Variants in RALY observed in about 807,000 individuals in gnomAD.
RALY encodes RALY heterogeneous nuclear ribonucleoprotein.
A neutral mutation model predicts 30.7 loss-of-function variants in RALY; 15 were observed. The observed-to-expected ratio is 0.49, with a 90% CI of 0.33 to 0.75. The LOEUF is 0.75. Among genes scored for constraint, RALY ranks in the 30% least tolerant of loss-of-function variants. The probability of loss-of-function intolerance (pLI) is 0.02; values close to 1 mark genes in which losing one functional copy is unlikely to be tolerated. For missense variants in RALY, 339 were observed against 414.3 expected, an observed-to-expected ratio of 0.82 and a Z score of 1.58; for synonymous variants, 177 against 170.8, an observed-to-expected ratio of 1.04 and a Z score of -0.28.
chr20:34,073,077 C>T (rs547510358), intron 3 of RALY, among the ~76,000 whole-genome samples: 1 of 152,090 alleles, frequency 6.6e-6, no homozygotes, highest in Admixed American at 6.5e-5. Context: ...TTTGGTAGAA[C>T]ATCCATGTGA....
intron 1 of RALY, among the ~76,000 whole-genome samples, chr20:34,019,338 A>G (rs1568658379): frequency 6.6e-6 from 1 of 152,036 alleles, no homozygotes; most frequent in Non-Finnish European, 1.5e-5. Flanking sequence ...AAAGAAAAAA[A>G]AAAAGGATCC....
chr20:34,044,819 C>T lies in RALY; in HGVS notation c.-10+13215C>T, dbSNP rs548845519. ...ACCTTAGGGACAGTGTTTATACTTA[C>T]ATACATTCAGTTATCCATTCAACAG... is the stretch of plus-strand genomic sequence containing the variant. On this transcript the variant is annotated intron_variant, in intron 2 of 9. Coordinates refer to ENST00000246194, the MANE Select transcript of RALY (RefSeq NM_016732.3). Among the ~76,000 whole-genome samples, 14 of 152,340 alleles carry T rather than the reference C, an allele frequency of 9.2e-5. No individual in the cohort carries two copies. The East Asian group carries it at 1.3e-3, about 15-fold the overall frequency.
At chr20:34,002,936 T>G (rs1197969272) in intron 1 of RALY, among the ~76,000 whole-genome samples, 3 of 152,188 alleles carry the variant, frequency 2.0e-5, no homozygotes, top group Non-Finnish European at 4.4e-5. Flanking sequence ...TTATCTGAGG[T>G]GTGGTTTCTG....
In RALY at chr20:34,077,092, C is replaced by T. The variant is rs751516793; in HGVS notation, c.723C>T (p.Gly241=). 2.1e-5 allele frequency: 34 copies of T among 1,604,628 alleles called. No individual in the cohort carries two copies. In the South Asian group the frequency reaches 2.6e-4, roughly 12 times the overall value. The change falls in exon 8 of 10, where the codon GGC becomes GGT. Residue 241 remains glycine (G), a synonymous_variant. Transcript: ENST00000246194. The stretch of plus-strand genomic sequence containing the variant: ...GCGGCGGTGGTGGTGGCAGCGGTGG[C>T]GGTGGCAGTGGTGGTGGCGGTGGCG... The part of the protein sequence containing the change: ...GGGGGGGGSG[G]GGSGGGGGGG...
chr20:34,007,761 A>G (rs1018470394), intron 1 of RALY, among the ~76,000 whole-genome samples: 1 of 146,160 alleles, frequency 6.8e-6, no homozygotes, highest in Non-Finnish European at 1.5e-5. Context: ...CAGAGGTTGC[A>G]GTGAGCCAAG....
intron 1 of RALY, among the ~76,000 whole-genome samples, chr20:34,015,880 A>G (rs979511776): frequency 2.0e-5 from 3 of 152,014 alleles, no homozygotes; most frequent in Non-Finnish European, 4.4e-5. Flanking sequence ...ATGTGCATGT[A>G]TGTCCTCTCT....
intron 2 of RALY, among the ~76,000 whole-genome samples, chr20:34,060,579 A>G (rs1457596439): frequency 2.0e-5 from 3 of 152,200 alleles, no homozygotes; most frequent in Non-Finnish European, 4.4e-5. Context: ...TCCATCTTAC[A>G]GGTAAGATAG....
rs907833762 is a variant in RALY, at chr20:34,082,493, A to T, written c.*2588A>T. ...TCAGGTTGATCATGGGCTTGTGACC[A>T]TAGGCTTCCTTAGTATGCCAGGCTT... On this transcript the variant is annotated 3_prime_UTR_variant, in exon 10 of 10. Transcript: ENST00000246194. 3 of 152,272 alleles carry T rather than the reference A, an allele frequency of 2.0e-5. No individual in the cohort carries two copies. Among genetic ancestry groups the T allele is most frequent in the African/African-American group, 7.2e-5 (3 of 41,474 alleles). 9.4% of individuals were successfully genotyped at this position (152,272 alleles called of 1,614,324 possible). A position where few individuals can be genotyped will look rare whatever the true frequency, so the allele number is the denominator to read the frequency against.
chr20:34,065,704 A>G (rs1452469255), intron 2 of RALY, among the ~76,000 whole-genome samples: 1 of 152,198 alleles, frequency 6.6e-6, no homozygotes, highest in Non-Finnish European at 1.5e-5. Flanking sequence ...TTCTCCAGAA[A>G]TAGTCTTCCC....
chr20:34,072,396 C>G (rs1016944462), intron 3 of RALY, 66 bp downstream of exon 3: 1 of 1,522,998 alleles, frequency 6.6e-7, no homozygotes, highest in Non-Finnish European at 8.8e-7. Flanking sequence ...ATCCAGTTCT[C>G]AACCCCCTTC....
intron 2 of RALY, among the ~76,000 whole-genome samples, chr20:34,052,287 T>C (rs2033103708): frequency 6.6e-6 from 1 of 152,222 alleles, no homozygotes; most frequent in Non-Finnish European, 1.5e-5. Flanking sequence ...AGCCCCTTTT[T>C]TGAGGAACTC....
At chr20:34,070,168 T>TA (rs1269998810) in intron 2 of RALY, among the ~76,000 whole-genome samples, 5 of 152,232 alleles carry the variant, frequency 3.3e-5, no homozygotes, top group African/African-American at 1.2e-4. Flanking sequence ...GTAAATAGGT[T>TA]GGCAGACTGA....
rs937374209 is a variant in RALY at position 34,080,291 on chromosome 20, T to C, written c.*386T>C. The C allele has an allele frequency of 6.6e-6, 1 of 152,284 alleles. No individual in the cohort carries two copies. The highest frequency in any genetic ancestry group is 1.9e-4 in the East Asian group (1 of 5,196). 9.4% of individuals were successfully genotyped at this position (152,284 alleles called of 1,614,324 possible). On this transcript the variant is annotated 3_prime_UTR_variant, in exon 10 of 10. Coordinates refer to ENST00000246194, the MANE Select transcript of RALY (RefSeq NM_016732.3). ...TTCTGAGATGGGATGGTTTGTGTTT[T>C]CTCATGAAGATATCCCGGCCCCTCT... is the stretch of plus-strand genomic sequence containing the variant.
At chr20:34,044,540 G>A (rs537578033) in intron 2 of RALY, among the ~76,000 whole-genome samples, 1 of 152,240 alleles carries the variant, frequency 6.6e-6, no homozygotes, top group East Asian at 1.9e-4. Context: ...GGCTGGTCTT[G>A]AACTCCTCAC....
Position 34,045,068 on chromosome 20 carries a change from C to T in RALY, c.-10+13464C>T, listed in dbSNP as rs554382955. ...GGGACTACAGGCATGCACCACCACA[C>T]CTAGCTAATTAAAAATTTTTTTTTG... On this transcript the variant is annotated intron_variant, in intron 2 of 9. Transcript: ENST00000246194. Among the ~76,000 whole-genome samples the T allele has an allele frequency of 3.9e-5, 6 of 152,222 alleles. No homozygotes were observed. In the South Asian group the frequency reaches 1.0e-3, roughly 26 times the overall value.
chr20:34,007,777 A>C (rs1487708590), intron 1 of RALY, among the ~76,000 whole-genome samples: 5 of 141,266 alleles, frequency 3.5e-5, no homozygotes, highest in African/African-American at 1.3e-4. Flanking sequence ...CCAAGATCGC[A>C]CCATTGCACT....
At chr20:34,036,642 A>G (rs974542083) in intron 2 of RALY, among the ~76,000 whole-genome samples, 1 of 152,272 alleles carries the variant, frequency 6.6e-6, no homozygotes, top group African/African-American at 2.4e-5. Context: ...AGAATTCATC[A>G]GTGAAGCCAC....
At chr20:34,076,198 A>C in intron 6 of RALY, 158 bp downstream of exon 6, 3 of 970,186 alleles carry the variant, frequency 3.1e-6, no homozygotes, top group Non-Finnish European at 4.5e-6. Flanking sequence ...TCTAAGAGGA[A>C]ACAGCTGATG....
At chr20:34,035,226 C>A (rs900040856) in intron 2 of RALY, among the ~76,000 whole-genome samples, 6 of 135,336 alleles carry the variant, frequency 4.4e-5, no homozygotes, top group African/African-American at 1.3e-4. Flanking sequence ...AGCACCTCCA[C>A]AAACATCGGT....
Sources: allele counts gnomAD v4.1 joint callset (sites outside exome capture counted in the v4.1 genomes callset), GRCh38; gene constraint gnomAD v4.1.1; transcripts MANE v1.5; gene names NCBI Gene and HGNC (gene_info 2026-07-23, HGNC 2026-07-21).